ANKRD11: variants seen among roughly 807,000 people sequenced by gnomAD.
ANKRD11 encodes ankyrin repeat domain-containing protein 11.
ANKRD11 carries 17 observed loss-of-function variants against 195.7 expected under a neutral mutation model. The ratio of observed to expected loss-of-function variants is 0.09; its 90% CI spans 0.06 to 0.13. The LOEUF (loss-of-function observed/expected upper bound fraction) is 0.13. Ranked by LOEUF, ANKRD11 falls within the 10% of genes least tolerant of loss-of-function variation. The probability of loss-of-function intolerance (pLI) is 1.00; values close to 1 mark genes in which losing one functional copy is unlikely to be tolerated. For synonymous variants in ANKRD11, 1,953 were observed against 1,528.1 expected (o/e 1.28, Z -6.49); for missense variants, 3,735 against 3,566.1 (o/e 1.05, Z -1.21).
At chr16:89,451,411 C>CTTT (rs66712285) in intron 1 of ANKRD11, among the ~76,000 whole-genome samples, 77,574 of 129,814 alleles carry the variant, frequency 0.6, 24,817 homozygotes, top group Middle Eastern at 0.83. Context: ...TCACAAATTA[C>CTTT]TTTTTTTTTT....
intron 6 of ANKRD11, among the ~76,000 whole-genome samples, chr16:89,290,235 AGGG>A (rs2034942227): frequency 4.4e-5 from 1 of 22,544 alleles, no homozygotes; most frequent in African/African-American, 1.4e-4. Flanking sequence ...GGGGAGGCTC[AGGG>A]CTCCAGCGGG....
At chr16:89,472,347 A>AT (rs2057113646) in intron 1 of ANKRD11, among the ~76,000 whole-genome samples, 1 of 151,998 alleles carries the variant, frequency 6.6e-6, no homozygotes, top group Non-Finnish European at 1.5e-5. Context: ...GTCAGGTGCA[A>AT]TATCAGGAGA....
chr16:89,447,679 G>A (rs1427485256), intron 1 of ANKRD11, among the ~76,000 whole-genome samples: 1 of 152,114 alleles, frequency 6.6e-6, no homozygotes, highest in Non-Finnish European at 1.5e-5. Flanking sequence ...ATCCGGACAC[G>A]CAGGCCCTCG....
At chr16:89,293,600 G>C (rs2035216149) in intron 4 of ANKRD11, among the ~76,000 whole-genome samples, 1 of 144,728 alleles carries the variant, frequency 6.9e-6, no homozygotes, top group African/African-American at 2.6e-5. Context: ...GCAGAGTTGG[G>C]GCTGCGGAGG....
intron 2 of ANKRD11, among the ~76,000 whole-genome samples, chr16:89,372,631 TAAAG>T (rs1294314973): frequency 4.6e-5 from 7 of 152,112 alleles, no homozygotes; most frequent in Non-Finnish European, 7.4e-5. Flanking sequence ...AAAAAATGTT[TAAAG>T]AAAGAAAAAA....
rs1033350621 is a variant in ANKRD11, at chr16:89,282,023, TGTCCCTGGTGGCGGGCTTCTGCTC to T, written c.4495_4518del (p.Glu1499_Asp1506del). 1.2e-6 allele frequency: 2 copies of T among 1,613,550 alleles called. No individual in the cohort carries two copies. ...TTGAGCACGCGGGGCGGGCTGTCCT[TGTCCCTGGTGGCGGGCTTCTGCTC>T]GTCCCTGTGATGCCGCAGGAGCTCG... On this transcript the variant is annotated inframe_deletion, in exon 9 of 13. Transcript: ENST00000301030.
At chr16:89,438,549 T>G (rs924371445) in intron 1 of ANKRD11, among the ~76,000 whole-genome samples, 1 of 152,138 alleles carries the variant, frequency 6.6e-6, no homozygotes, top group Non-Finnish European at 1.5e-5. Context: ...GCCAGGCTGG[T>G]CTTGAACTTA....
chr16:89,435,795 TTC>T (rs1491342304), intron 1 of ANKRD11, among the ~76,000 whole-genome samples: 1 of 74,324 alleles, frequency 1.3e-5, no homozygotes, highest in Non-Finnish European at 3.0e-5. Context: ...CCACCAGCTC[TTC>T]ACACACACAC....
chr16:89,391,247 AAT>A (rs1165678156), intron 2 of ANKRD11, among the ~76,000 whole-genome samples: 27 of 150,234 alleles, frequency 1.8e-4, no homozygotes, highest in African/African-American at 6.0e-4. Context: ...AAAAAAAAAA[AAT>A]GATTGAACCC....
At chr16:89,334,144 TAAAA>T (rs869142504) in intron 2 of ANKRD11, among the ~76,000 whole-genome samples, 33 of 41,414 alleles carry the variant, frequency 8.0e-4, no homozygotes, top group African/African-American at 2.8e-3. Flanking sequence ...CCCTGTGTTT[TAAAA>T]AAAAAAAAAA....
intron 1 of ANKRD11, among the ~76,000 whole-genome samples, chr16:89,488,676 A>G (rs1317075984): frequency 6.6e-6 from 1 of 152,202 alleles, no homozygotes; most frequent in Non-Finnish European, 1.5e-5. Flanking sequence ...CTTTTTCCAC[A>G]GGTAATATCA....
At chr16:89,368,116 A>C (rs978235462) in intron 2 of ANKRD11, among the ~76,000 whole-genome samples, 3 of 152,068 alleles carry the variant, frequency 2.0e-5, no homozygotes, top group African/African-American at 4.8e-5. Flanking sequence ...TCACTACGCT[A>C]CTCATTGGTT....
At chr16:89,355,759 T>C (rs1436584721) in intron 2 of ANKRD11, among the ~76,000 whole-genome samples, 1 of 152,254 alleles carries the variant, frequency 6.6e-6, no homozygotes, top group Non-Finnish European at 1.5e-5. Flanking sequence ...CTTGTGTTAC[T>C]GAGCGCAGCC....
At chr16:89,395,188 C>A (rs1463793845) in intron 2 of ANKRD11, among the ~76,000 whole-genome samples, 1 of 152,234 alleles carries the variant, frequency 6.6e-6, no homozygotes, top group African/African-American at 2.4e-5. Context: ...AAGTTAGAGG[C>A]TTGGTCAATT....
chr16:89,284,423 C>T lies in ANKRD11; in HGVS notation c.2119G>A (p.Glu707Lys). 1 of 1,613,158 alleles carries T rather than the reference C, an allele frequency of 6.2e-7. No homozygotes were observed. Among genetic ancestry groups the T allele is most frequent in the Non-Finnish European group, 8.5e-7 (1 of 1,179,860 alleles). Residue 707 changes from glutamate to lysine, a missense_variant, in exon 9 of 13, where the codon GAA becomes AAA. Physicochemically the swap from Glu to Lys is moderately conservative, Grantham distance 56 (BLOSUM62 1). Coordinates refer to ENST00000301030, the MANE Select transcript of ANKRD11 (RefSeq NM_013275.6). ...EEKLSKMKLE[E>K]KEWLFKDEKS... is the part of the protein sequence containing the mutation. ...TCATCTTTAAAGAGCCATTCTTTTT[C>T]TTCTAATTTCATTTTGCTAAGTTTC...
chr16:89,419,155 T>A (rs1000943822), intron 1 of ANKRD11, among the ~76,000 whole-genome samples: 26 of 152,258 alleles, frequency 1.7e-4, no homozygotes, highest in African/African-American at 4.1e-4. Context: ...ACCATTTTTT[T>A]AAAAAGCTGA....
At chr16:89,474,063 C>T (rs1300056382) in intron 1 of ANKRD11, among the ~76,000 whole-genome samples, 1 of 152,198 alleles carries the variant, frequency 6.6e-6, no homozygotes, top group Non-Finnish European at 1.5e-5. Flanking sequence ...GAGGAGACCT[C>T]AAGGGACAGT....
intron 2 of ANKRD11, among the ~76,000 whole-genome samples, chr16:89,403,971 G>C (rs1007403593): frequency 1.3e-5 from 2 of 152,122 alleles, no homozygotes. Context: ...GGCACAGAAA[G>C]GAGCAAGATT....
At chr16:89,387,302 T>A (rs879461416) in intron 2 of ANKRD11, among the ~76,000 whole-genome samples, 2 of 151,524 alleles carry the variant, frequency 1.3e-5, no homozygotes, top group Admixed American at 6.6e-5. Flanking sequence ...AGGAAGGGGC[T>A]GCGTCTGTGG....
Sources: allele counts gnomAD v4.1 joint callset (sites outside exome capture counted in the v4.1 genomes callset), GRCh38; gene constraint gnomAD v4.1.1; transcripts MANE v1.5; gene names NCBI Gene and HGNC (gene_info 2026-07-23, HGNC 2026-07-21).